RGS6: variants seen among roughly 807,000 people sequenced by gnomAD.
The protein encoded by RGS6 is regulator of G-protein signaling 6.
In RGS6, 30 loss-of-function variants were observed where a neutral mutation model predicts 78.5. That is an observed-to-expected ratio of 0.38 (90% CI 0.29 to 0.52). The LOEUF (loss-of-function observed/expected upper bound fraction) is 0.52, where lower values mean the gene tolerates loss of function less well. RGS6 is among the 20% of genes least tolerant of loss of function. The pLI, the probability that RGS6 is intolerant of heterozygous loss-of-function variation, is 0.85. For missense variants in RGS6, 495 were observed against 609.7 expected, an observed-to-expected ratio of 0.81 and a Z score of 1.98; for synonymous variants, 206 against 206.0, an observed-to-expected ratio of 1.00 and a Z score of 0.00.
At chr14:71,955,494 G>A (rs1279028538) in intron 1 of RGS6, among the ~76,000 whole-genome samples, 2 of 152,160 alleles carry the variant, frequency 1.3e-5, no homozygotes, top group African/African-American at 4.8e-5. Context: ...GCAGCCCTGA[G>A]GGCTTCTGGT....
chr14:72,480,835 C>A (rs2096361065), intron 12 of RGS6, among the ~76,000 whole-genome samples: 1 of 152,124 alleles, frequency 6.6e-6, no homozygotes, highest in South Asian at 2.1e-4. Flanking sequence ...AATTCCATAT[C>A]CCCCAGGAAA....
At chr14:72,545,156 G>T (rs2097375229) in intron 17 of RGS6, among the ~76,000 whole-genome samples, 1 of 152,262 alleles carries the variant, frequency 6.6e-6, no homozygotes, top group Non-Finnish European at 1.5e-5. Flanking sequence ...TCTTTCCAAA[G>T]GGTTAGTTTT....
intron 3 of RGS6, among the ~76,000 whole-genome samples, chr14:72,387,846 G>T (rs189263116): frequency 6.6e-6 from 1 of 152,138 alleles, no homozygotes; most frequent in Non-Finnish European, 1.5e-5. Flanking sequence ...AGATCATGGT[G>T]GGGGCAGGGT....
At chr14:72,265,676 C>A (rs1057035755) in intron 2 of RGS6, among the ~76,000 whole-genome samples, 1 of 152,098 alleles carries the variant, frequency 6.6e-6, no homozygotes, top group Non-Finnish European at 1.5e-5. Flanking sequence ...TTGCCTGTGT[C>A]ATTACAGTAG....
At chr14:72,096,706 G>A (rs2095415687) in intron 2 of RGS6, among the ~76,000 whole-genome samples, 1 of 152,110 alleles carries the variant, frequency 6.6e-6, no homozygotes, top group African/African-American at 2.4e-5. Flanking sequence ...TGGTGGCTGG[G>A]TTCTGAGGCT....
At chr14:71,927,909 C>T (rs577381571), upstream of RGS6, among the ~76,000 whole-genome samples, 3 of 152,106 alleles carry the variant, frequency 2.0e-5, no homozygotes, top group Admixed American at 6.5e-5. Flanking sequence ...CCGCCCGTCT[C>T]GGCCTCCCAA....
At chr14:72,295,805 T>C (rs1235017390) in intron 2 of RGS6, among the ~76,000 whole-genome samples, 1 of 152,246 alleles carries the variant, frequency 6.6e-6, no homozygotes. Flanking sequence ...TTTGTTACCA[T>C]GTGAATGAAA....
chr14:72,012,817 C>G (rs2086057077), intron 2 of RGS6, among the ~76,000 whole-genome samples: 1 of 152,192 alleles, frequency 6.6e-6, no homozygotes, highest in African/African-American at 2.4e-5. Flanking sequence ...CATTTCCCCT[C>G]ATCTGTAAAC....
At chr14:72,541,347 T>C (rs1018454333) in intron 17 of RGS6, 5 of 1,353,510 alleles carry the variant, frequency 3.7e-6, no homozygotes, top group Non-Finnish European at 5.0e-6. Flanking sequence ...TTAAACATTA[T>C]CTTGAATTTG....
intron 2 of RGS6, among the ~76,000 whole-genome samples, chr14:72,015,585 A>G (rs1440579653): frequency 6.6e-6 from 1 of 152,204 alleles, no homozygotes; most frequent in African/African-American, 2.4e-5. Context: ...ATCTAGAAAT[A>G]TGTACTAGAG....
chr14:72,365,741 A>G (rs1280474713), intron 3 of RGS6, among the ~76,000 whole-genome samples: 3 of 152,130 alleles, frequency 2.0e-5, no homozygotes, highest in South Asian at 2.1e-4. Flanking sequence ...AATAATAAAT[A>G]TCTAATAAAA....
intron 2 of RGS6, among the ~76,000 whole-genome samples, chr14:72,110,680 C>A (rs1555488924): frequency 6.6e-6 from 1 of 152,150 alleles, no homozygotes; most frequent in Non-Finnish European, 1.5e-5. Context: ...TACATGAAGT[C>A]TATAACCTGT....
chr14:72,618,149 T>G, the RGS6 span, among the ~76,000 whole-genome samples: 5 of 152,268 alleles, frequency 3.3e-5, no homozygotes, highest in East Asian at 9.7e-4. Context: ...GTGGCCACCC[T>G]GGTCGTGAAT....
intron 12 of RGS6, among the ~76,000 whole-genome samples, chr14:72,489,322 G>A (rs1256197256): frequency 1.3e-5 from 2 of 152,182 alleles, no homozygotes; most frequent in Admixed American, 6.5e-5. Context: ...TCTGCTGCTG[G>A]CTTGTCTTTG....
At chr14:72,189,833 T>A (rs1313223817) in intron 2 of RGS6, among the ~76,000 whole-genome samples, 1 of 152,156 alleles carries the variant, frequency 6.6e-6, no homozygotes, top group Non-Finnish European at 1.5e-5. Context: ...TTCAGGTCCA[T>A]CAGGTCTTGA....
rs1198920759 is a variant in RGS6 at position 72,250,270 on chromosome 14, G to C, written c.85-101825G>C. On this transcript the variant is annotated intron_variant, in intron 2 of 17. Coordinates refer to ENST00000553525, the MANE Select transcript of RGS6 (RefSeq NM_001204424.2). ...AAAAAAAGTAACTGTGTTTTCTTCTGTTTAATGATTGTTGCACTCTCCTAC... is the reference window on the plus strand; with the variant it reads ...AAAAAAAGTAACTGTGTTTTCTTCTCTTTAATGATTGTTGCACTCTCCTAC... Among the ~76,000 whole-genome samples the C allele has an allele frequency of 4.0e-5, 6 of 151,672 alleles. No individual in the cohort carries two copies. The East Asian group carries it at 1.2e-3, about 29-fold the overall frequency.
At chr14:72,014,847 C>A (rs571264471) in intron 2 of RGS6, among the ~76,000 whole-genome samples, 2 of 152,158 alleles carry the variant, frequency 1.3e-5, no homozygotes, top group Non-Finnish European at 2.9e-5. Context: ...ACCCGTCTGC[C>A]TTCTCCCCTT....
intron 3 of RGS6, among the ~76,000 whole-genome samples, chr14:72,447,915 G>T (rs1006860378): frequency 6.6e-6 from 1 of 152,152 alleles, no homozygotes; most frequent in Admixed American, 6.5e-5. Context: ...TGTTGGCCAG[G>T]CTGGTCTCAA....
At chr14:72,524,262 C>T (rs2097091434) in intron 15 of RGS6, among the ~76,000 whole-genome samples, 1 of 152,168 alleles carries the variant, frequency 6.6e-6, no homozygotes, top group South Asian at 2.1e-4. Context: ...GGAATTTGAG[C>T]TTCTCATCCT....
Sources: allele counts gnomAD v4.1 joint callset (sites outside exome capture counted in the v4.1 genomes callset), GRCh38; gene constraint gnomAD v4.1.1; transcripts MANE v1.5; gene names NCBI Gene and HGNC (gene_info 2026-07-23, HGNC 2026-07-21).